The following ZNF91 variants were observed in gnomAD, a reference collection of about 807,000 sequenced individuals.
The protein encoded by ZNF91 is zinc finger protein 91 (HPF7, HTF10).
In ZNF91, 7 loss-of-function variants were observed where a neutral mutation model predicts 12.6. That is an observed-to-expected ratio of 0.55 (90% CI 0.31 to 1.04). ZNF91 has a LOEUF of 1.04. Among genes scored for constraint, ZNF91 ranks in the 50% least tolerant of loss-of-function variants. The pLI is 0.05. For missense variants in ZNF91, 1,217 were observed against 1,385.4 expected, an observed-to-expected ratio of 0.88 and a Z score of 1.93; for synonymous variants, 453 against 462.6, an observed-to-expected ratio of 0.98 and a Z score of 0.27.
At chr19:23,382,751 T>A in intron 1 of ZNF91, among the ~76,000 whole-genome samples, 1 of 150,034 alleles carries the variant, frequency 6.7e-6, no homozygotes, top group Non-Finnish European at 1.5e-5. Flanking sequence ...AACAAGAAAA[T>A]CTAGAAAAAA....
intron 1 of ZNF91, among the ~76,000 whole-genome samples, chr19:23,387,552 A>G (rs1418723942): frequency 1.3e-5 from 2 of 152,112 alleles, no homozygotes; most frequent in Non-Finnish European, 2.9e-5. Context: ...TCCCATCTAT[A>G]AAAATGCATC....
intron 1 of ZNF91, among the ~76,000 whole-genome samples, chr19:23,318,783 G>T (rs1177966978): frequency 6.6e-6 from 1 of 152,156 alleles, no homozygotes; most frequent in Admixed American, 6.5e-5. Flanking sequence ...TGATTCTACT[G>T]CCTGGTCATT....
chr19:23,315,389 G>T (rs572927972), upstream of ZNF91, among the ~76,000 whole-genome samples: 1 of 152,252 alleles, frequency 6.6e-6, no homozygotes, highest in African/African-American at 2.4e-5. Flanking sequence ...AGATAGTGAC[G>T]TATCTCTGGG....
downstream of ZNF91, among the ~76,000 whole-genome samples, chr19:23,333,770 G>GTAT (rs1286502364): frequency 2.0e-5 from 3 of 152,164 alleles, no homozygotes; most frequent in Non-Finnish European, 4.4e-5. Flanking sequence ...TTTACTGCTA[G>GTAT]TATTATTATT....
Position 23,395,401 on chromosome 19 carries a change from C to CT in ZNF91, c.-48dup, listed in dbSNP as rs1316533348. ...CCTGCAGGTCACAGGGCCACACAGGCTGGGCCTCCTGGAGCAGAGGACACA... is the reference window on the plus strand; with the variant it reads ...CCTGCAGGTCACAGGGCCACACAGGCTTGGGCCTCCTGGAGCAGAGGACACA... On this transcript the variant is annotated 5_prime_UTR_variant, in exon 1 of 4. Transcript: ENST00000300619. The CT allele has an allele frequency of 6.2e-7, 1 of 1,607,976 alleles. No homozygotes were observed. The highest frequency in any genetic ancestry group is 8.5e-7 in the Non-Finnish European group (1 of 1,176,688).
chr19:23,384,700 TTTC>T (rs1387681345), intron 1 of ZNF91: 2 of 591,952 alleles, frequency 3.4e-6, no homozygotes, highest in Admixed American at 5.2e-5. Context: ...AGATATTTCC[TTTC>T]TTCAAGGGAA....
intron 1 of ZNF91, among the ~76,000 whole-genome samples, chr19:23,387,565 TA>T (rs1405090616): frequency 6.6e-6 from 1 of 151,578 alleles, no homozygotes; most frequent in African/African-American, 2.4e-5. Context: ...AATGCATCTC[TA>T]AAAAAAATAC....
chr19:23,392,251 C>T (rs1970090217), intron 1 of ZNF91, among the ~76,000 whole-genome samples: 3 of 151,676 alleles, frequency 2.0e-5, no homozygotes, highest in Admixed American at 2.0e-4. Context: ...CACAAATTAG[C>T]CGGGCGTTGT....
At chr19:23,353,920 C>A (rs75074764), downstream of ZNF91, among the ~76,000 whole-genome samples, 13,912 of 152,056 alleles carry the variant, frequency 0.091, 859 homozygotes, top group African/African-American at 0.17. Flanking sequence ...CCTGAACAGA[C>A]CAAAAACAAG....
intron 1 of ZNF91, among the ~76,000 whole-genome samples, chr19:23,329,690 C>G (rs988848615): frequency 6.6e-6 from 1 of 152,188 alleles, no homozygotes; most frequent in Non-Finnish European, 1.5e-5. Flanking sequence ...GACAGACTTT[C>G]TACCTACCCC....
rs1471381586 is a variant in ZNF91, at chr19:23,361,888, G to A, written c.1091C>T (p.Thr364Ile). ...ECGKAFSNSS[T>I]LANHKITHTE... ...ATGAGTTATCTTATGATTAGCAAGG[G>A]TTGAGGAATTGCTAAAAGCTTTGCC... The change falls in exon 4 of 4, where the codon ACC (threonine) becomes ATC (isoleucine). Residue 364 changes from threonine to isoleucine, a missense_variant. This residue lies in a region of ZNF91 where 726 missense variants were observed against 895.5 expected (regional missense o/e 0.81). Transcript: ENST00000300619. The A allele has an allele frequency of 3.8e-5, 62 of 1,612,526 alleles. No individual in the cohort carries two copies. The highest frequency in any genetic ancestry group is 5.1e-5 in the Non-Finnish European group (60 of 1,179,398).
At chr19:23,316,360 CAT>C (rs1480186086) in intron 1 of ZNF91, among the ~76,000 whole-genome samples, 1 of 152,180 alleles carries the variant, frequency 6.6e-6, no homozygotes, top group African/African-American at 2.4e-5. Flanking sequence ...AAGATTGTGA[CAT>C]ATTGCTGGCA....
intron 3 of ZNF91, chr19:23,339,162 A>C (rs1271477969): frequency 1.3e-5 from 2 of 152,184 alleles, no homozygotes; most frequent in Admixed American, 1.3e-4. Flanking sequence ...CATATAGATT[A>C]AAGGCAAATG....
downstream of ZNF91, among the ~76,000 whole-genome samples, chr19:23,334,557 T>C (rs1439013696): frequency 6.6e-6 from 1 of 152,198 alleles, no homozygotes; most frequent in Non-Finnish European, 1.5e-5. Flanking sequence ...TAAATAATAA[T>C]AGAAGGTGAG....
chr19:23,360,750 C>T lies in ZNF91; in HGVS notation c.2229G>A (p.Lys743=), dbSNP rs375433863. The T allele has an allele frequency of 6.8e-6, 11 of 1,609,888 alleles. No homozygotes were observed. Among genetic ancestry groups the T allele is most frequent in the East Asian group, 2.2e-5 (1 of 44,534 alleles). ...KFIHTGEKPY[K]CEECGKAFNW... ...TAAATGCTTTGCCACATTCTTCACA[C>T]TTGTAAGGTTTCTCTCCAGTATGAA... Residue 743 remains lysine (K), a synonymous_variant, in exon 4 of 4, where the codon AAG becomes AAA. Transcript: ENST00000300619.
intron 3 of ZNF91, among the ~76,000 whole-genome samples, chr19:23,367,798 A>T (rs1003367031): frequency 6.6e-6 from 1 of 152,234 alleles, no homozygotes; most frequent in Admixed American, 6.5e-5. Context: ...CCTTTTCAAA[A>T]AATTCTGTTA....
At chr19:23,311,901 C>CAAA (rs78028804), upstream of ZNF91, among the ~76,000 whole-genome samples, 148 of 91,742 alleles carry the variant, frequency 1.6e-3, 2 homozygotes, top group South Asian at 5.5e-3. Context: ...TAGGCCATGC[C>CAAA]AAAAAAAAAA....
chr19:23,359,855 T>C lies in ZNF91; in HGVS notation c.3124A>G (p.Ile1042Val). The C allele has an allele frequency of 6.2e-7, 1 of 1,613,706 alleles. No individual in the cohort carries two copies. ...TAAGGTTTCTCTCCAGTATGAATTA[T>C]CTTATGTGTAGTAAGCTTTGAGGAT... The part of the protein sequence containing the change: ...NRSSKLTTHK[I>V]IHTGEKPYKC... The change falls in exon 4 of 4, where the codon ATA (isoleucine) becomes GTA (valine). Residue 1042 changes from isoleucine to valine, a missense_variant. Transcript: ENST00000300619.
downstream of ZNF91, among the ~76,000 whole-genome samples, chr19:23,355,214 T>C (rs963911370): frequency 6.6e-6 from 1 of 152,136 alleles, no homozygotes; most frequent in Admixed American, 6.5e-5. Context: ...CAAACTATAC[T>C]GTAAGGCCAT....
Sources: gnomAD v4.1 joint callset for allele counts (sites outside exome capture counted in the v4.1 genomes callset) on GRCh38, gnomAD v4.1.1 for gene constraint, gnomAD v4.1.1 regional missense constraint, MANE v1.5 for transcripts, NCBI Gene and HGNC (gene_info 2026-07-23, HGNC 2026-07-21) for gene names.